CACNA1E: variants seen among roughly 807,000 people sequenced by gnomAD.
CACNA1E encodes voltage-dependent R-type calcium channel subunit alpha-1E.
CACNA1E carries 40 observed loss-of-function variants against 259.2 expected under a neutral mutation model. The observed-to-expected ratio is 0.15, with a 90% confidence interval of 0.12 to 0.20. CACNA1E has a LOEUF of 0.20. Ranked by LOEUF, CACNA1E falls within the 10% of genes least tolerant of loss-of-function variation. The pLI, the probability that CACNA1E is intolerant of heterozygous loss-of-function variation, is 1.00. For missense variants in CACNA1E, 1,874 were observed against 3,040.1 expected, an observed-to-expected ratio of 0.62 and a Z score of 9.02; for synonymous variants, 1,104 against 1,138.5, an observed-to-expected ratio of 0.97 and a Z score of 0.61.
intron 6 of CACNA1E, among the ~76,000 whole-genome samples, chr1:181,583,196 C>T (rs1049609120): frequency 7.9e-5 from 12 of 151,964 alleles, no homozygotes; most frequent in African/African-American, 2.7e-4. Flanking sequence ...GACTAGTCAG[C>T]TTAGTATTAT....
intron 7 of CACNA1E, among the ~76,000 whole-genome samples, chr1:181,686,275 G>GTTTTTTTATTTTTTTTTT (rs1650529852): frequency 1.7e-5 from 1 of 58,634 alleles, no homozygotes; most frequent in Non-Finnish European, 3.2e-5. Flanking sequence ...TAAGAACCAA[G>GTTTTTTTATTTTTTTTTT]TTTTTTTTTT....
chr1:181,794,834 T>C, intron 45 of CACNA1E, 30 bp from the exon 46 acceptor site: 1 of 1,590,090 alleles, frequency 6.3e-7, no homozygotes, highest in South Asian at 1.1e-5. Flanking sequence ...AATCCATACC[T>C]TGTGTTTCTC....
chr1:181,434,224 A>G (rs1032475894), intron 2 of CACNA1E, among the ~76,000 whole-genome samples: 1 of 152,232 alleles, frequency 6.6e-6, no homozygotes, highest in African/African-American at 2.4e-5. Flanking sequence ...ATTAAATGAG[A>G]GAGACATATA....
chr1:181,482,206 A>G (rs184335548), upstream of CACNA1E, among the ~76,000 whole-genome samples: 1 of 152,276 alleles, frequency 6.6e-6, no homozygotes, highest in Non-Finnish European at 1.5e-5. Flanking sequence ...GGTGCGGAGG[A>G]GCGGCGACGC....
At chr1:181,747,249 C>T (rs1211479465) in intron 25 of CACNA1E, among the ~76,000 whole-genome samples, 1 of 152,210 alleles carries the variant, frequency 6.6e-6, no homozygotes, top group Non-Finnish European at 1.5e-5. Context: ...ACCTGATGTC[C>T]CTGCTCTGCC....
chr1:181,758,172 G>A lies in CACNA1E; in HGVS notation c.4494+61G>A. ...CAGCGATGGTTCCCTCCCAGGGCAAGTGGGAAGACACCCCAACATCCCAGC... is the reference window on the plus strand; with the variant it reads ...CAGCGATGGTTCCCTCCCAGGGCAAATGGGAAGACACCCCAACATCCCAGC... On this transcript the variant is annotated intron_variant, in intron 31 of 47. Transcript: ENST00000367573. This position sits in a 1 kb window ranked among gnomAD's most constrained non-coding sequence, Gnocchi z 4.2. 1 of 1,462,870 alleles carries A rather than the reference G, an allele frequency of 6.8e-7. No homozygotes were observed. Among genetic ancestry groups the A allele is most frequent in the Non-Finnish European group, 9.5e-7 (1 of 1,052,864 alleles). The allele number at this position is 1,462,870 out of a possible 1,614,324, so 90.6% of individuals were successfully genotyped here. A position where few individuals can be genotyped will look rare whatever the true frequency, so the allele number is the denominator to read the frequency against.
intron 2 of CACNA1E, among the ~76,000 whole-genome samples, chr1:181,454,088 G>A (rs1160879723): frequency 6.6e-6 from 1 of 152,038 alleles, no homozygotes; most frequent in South Asian, 2.1e-4. Context: ...AAAGAGCTTG[G>A]CATACAGTAG....
chr1:181,438,958 G>A (rs1660265845), intron 2 of CACNA1E, among the ~76,000 whole-genome samples: 1 of 152,230 alleles, frequency 6.6e-6, no homozygotes, highest in Non-Finnish European at 1.5e-5. Context: ...AGCATCTATG[G>A]GAGGGATATG....
At chr1:181,735,490 G>A (rs1655952431) in intron 21 of CACNA1E, among the ~76,000 whole-genome samples, 1 of 152,218 alleles carries the variant, frequency 6.6e-6, no homozygotes, top group East Asian at 1.9e-4. Context: ...GGTGACTGGG[G>A]CCCTTTCCCC....
At chr1:181,672,072 A>T (rs769419129) in intron 7 of CACNA1E, among the ~76,000 whole-genome samples, 1 of 152,264 alleles carries the variant, frequency 6.6e-6, no homozygotes, top group South Asian at 2.1e-4. Flanking sequence ...GAACAAGATT[A>T]TGTCATTTAC....
At chr1:181,450,181 C>A (rs1468390532) in intron 2 of CACNA1E, among the ~76,000 whole-genome samples, 1 of 152,170 alleles carries the variant, frequency 6.6e-6, no homozygotes, top group East Asian at 1.9e-4. Flanking sequence ...TGAGAATTCA[C>A]TATCACAAGA....
At chr1:181,532,919 G>T (rs918768953) in intron 3 of CACNA1E, among the ~76,000 whole-genome samples, 1 of 152,214 alleles carries the variant, frequency 6.6e-6, no homozygotes, top group African/African-American at 2.4e-5. Flanking sequence ...TGTCTTTGAA[G>T]ACTATTATTA....
At chr1:181,530,899 T>G (rs1435885266) in intron 3 of CACNA1E, among the ~76,000 whole-genome samples, 1 of 152,142 alleles carries the variant, frequency 6.6e-6, no homozygotes, top group Non-Finnish European at 1.5e-5. Context: ...AGTCAGAAAT[T>G]TTGCAGCTTT....
chr1:181,407,200 G>A lies in CACNA1E; in HGVS notation c.-14-5933G>A, dbSNP rs1434781452. On this transcript the variant is annotated intron_variant, in intron 1 of 11. Transcript: ENST00000524607. ...AGTCACCATAACAACATAGGCACAT[G>A]GAGAGGAATGTGGGGTAGGCAAAAA... is the stretch of plus-strand genomic sequence containing the variant. 2.0e-5 allele frequency among the ~76,000 whole-genome samples: 3 copies of A among 152,296 alleles called. No individual in the cohort carries two copies. The East Asian group carries it at 5.8e-4, about 29-fold the overall frequency.
Position 181,433,977 on chromosome 1 carries a change from C to T in CACNA1E, c.434+20397C>T, listed in dbSNP as rs79265658. On this transcript the variant is annotated intron_variant, in intron 2 of 11. Transcript: ENST00000524607. The stretch of plus-strand genomic sequence containing the variant: ...GTGAAATAAAGAACTACCTTATTAA[C>T]AGCTCAGCAAGCACTGGAGACCGGC... Among the ~76,000 whole-genome samples, 332 of 152,288 alleles carry T rather than the reference C, an allele frequency of 2.2e-3. 2 individuals carry two copies. Among genetic ancestry groups the T allele is most frequent in the African/African-American group, 7.8e-3 (322 of 41,548 alleles).
rs1359110288 is a variant in CACNA1E at position 181,736,522 on chromosome 1, G to T, written c.3422+88G>T. The T allele has an allele frequency of 2.5e-5, 31 of 1,236,344 alleles. No homozygotes were observed. The East Asian group carries it at 7.9e-4, about 31-fold the overall frequency. 76.6% of individuals were successfully genotyped at this position (1,236,344 alleles called of 1,614,324 possible). On this transcript the variant is annotated intron_variant, in intron 22 of 47. Coordinates refer to ENST00000367573, the MANE Select transcript of CACNA1E (RefSeq NM_001205293.3). Reference sequence around the variant, plus strand: ...GCAGGGTGAAGGGGAGAGGAAGGATGGGGGCCCAGCCATCTTCTTAAGCCT... The same window carrying T: ...GCAGGGTGAAGGGGAGAGGAAGGATTGGGGCCCAGCCATCTTCTTAAGCCT...
chr1:181,726,018 C>G (rs985988427), intron 17 of CACNA1E, 47 bp from the exon 18 acceptor site: 6 of 1,374,296 alleles, frequency 4.4e-6, no homozygotes, highest in Non-Finnish European at 6.2e-6. Context: ...GGAAGCTACT[C>G]TCCTTCCTGG....
intron 6 of CACNA1E, among the ~76,000 whole-genome samples, chr1:181,599,038 A>T (rs1653479330): frequency 1.3e-5 from 2 of 151,962 alleles, no homozygotes; most frequent in South Asian, 4.2e-4. Flanking sequence ...GTGATTTGCT[A>T]CACAGTTCAT....
intron 6 of CACNA1E, among the ~76,000 whole-genome samples, chr1:181,643,357 A>T (rs1657974000): frequency 6.6e-6 from 1 of 152,252 alleles, no homozygotes; most frequent in African/African-American, 2.4e-5. Flanking sequence ...GGATTTAAGC[A>T]GAGGGATTTT....
Sources: allele counts gnomAD v4.1 joint callset (sites outside exome capture counted in the v4.1 genomes callset), GRCh38; gene constraint gnomAD v4.1.1; non-coding constraint Gnocchi (gnomAD v3.1); transcripts MANE v1.5; gene names NCBI Gene and HGNC (gene_info 2026-07-23, HGNC 2026-07-21).